ANKRD28: variants seen among roughly 807,000 people sequenced by gnomAD.
ANKRD28 encodes ankyrin repeat domain 28.
In ANKRD28, 44 loss-of-function variants were observed where a neutral mutation model predicts 126.5. That is an observed-to-expected ratio of 0.35 (90% confidence interval 0.27 to 0.45). The LOEUF is 0.45. Among genes scored for constraint, ANKRD28 ranks in the 20% least tolerant of loss-of-function variants. The pLI is 1.00. For synonymous variants in ANKRD28, 442 were observed against 468.5 expected (o/e 0.94, Z 0.73); for missense variants, 1,110 against 1,316.6 (o/e 0.84, Z 2.43).
At chr3:15,767,728 A>G (rs2058812574) in intron 2 of ANKRD28, among the ~76,000 whole-genome samples, 1 of 85,838 alleles carries the variant, frequency 1.2e-5, no homozygotes, top group East Asian at 8.4e-4. Flanking sequence ...AAAAAAAAAA[A>G]AAAAAAAAAA....
chr3:15,779,658 C>A (rs1201358618), intron 2 of ANKRD28, among the ~76,000 whole-genome samples: 4 of 152,306 alleles, frequency 2.6e-5, no homozygotes, highest in African/African-American at 9.6e-5. Context: ...ACTACTTAAT[C>A]TTTAAGATCC....
chr3:15,795,135 T>C, intron 2 of ANKRD28, 88 bp downstream of exon 2: 1 of 934,450 alleles, frequency 1.1e-6, no homozygotes, highest in Non-Finnish European at 1.7e-6. Context: ...CAGAGTTATA[T>C]TATGTCTTGT....
chr3:15,835,464 T>A (rs746052469), intron 1 of ANKRD28, among the ~76,000 whole-genome samples: 3 of 152,194 alleles, frequency 2.0e-5, no homozygotes, highest in Non-Finnish European at 4.4e-5. Context: ...AAAAGGTAGA[T>A]TCACGTTCCT....
chr3:15,670,225 C>A lies in ANKRD28; in HGVS notation c.*45G>T. The A allele has an allele frequency of 6.3e-7, 1 of 1,578,180 alleles. No individual in the cohort carries two copies. The highest frequency in any genetic ancestry group is 1.4e-5 in the African/African-American group (1 of 73,796). On this transcript the variant is annotated 3_prime_UTR_variant, in exon 28 of 28. Transcript: ENST00000683139. ...TCAAAGTGCCTTTTTCCTGAAAAAG[C>A]ACAGTTTGAAGCTTTACTGTGAGAA...
intron 21 of ANKRD28, 70 bp from the exon 22 acceptor site, chr3:15,679,633 A>G (rs2067311836): frequency 4.1e-6 from 5 of 1,207,068 alleles, no homozygotes; most frequent in Non-Finnish European, 5.9e-6. Context: ...GGTACATGTA[A>G]GTGTTTAAAG....
chr3:15,748,922 G>A (rs1370774422), intron 4 of ANKRD28, among the ~76,000 whole-genome samples: 2 of 151,846 alleles, frequency 1.3e-5, no homozygotes, highest in Non-Finnish European at 2.9e-5. Flanking sequence ...TTGATGGATT[G>A]GGTTAATTCA....
chr3:15,758,279 T>TA (rs1333388705), intron 3 of ANKRD28, among the ~76,000 whole-genome samples: 1 of 152,220 alleles, frequency 6.6e-6, no homozygotes, highest in African/African-American at 2.4e-5. Context: ...TTTGGCTACC[T>TA]AACAGTGCAG....
At chr3:15,752,387 A>G (rs1177006933) in intron 3 of ANKRD28, among the ~76,000 whole-genome samples, 2 of 152,220 alleles carry the variant, frequency 1.3e-5, no homozygotes, top group South Asian at 4.1e-4. Flanking sequence ...CTAAAGCTTA[A>G]GAAAGAAATT....
At chr3:15,737,341 A>C (rs2075086942) in intron 4 of ANKRD28, 108 bp from the exon 5 acceptor site, 1 of 949,582 alleles carries the variant, frequency 1.1e-6, no homozygotes, top group Non-Finnish European at 1.5e-6. Flanking sequence ...CATATGAAGA[A>C]AATAAAAAAG....
intron 14 of ANKRD28, among the ~76,000 whole-genome samples, chr3:15,697,986 T>C (rs1175550905): frequency 6.6e-6 from 1 of 152,190 alleles, no homozygotes; most frequent in African/African-American, 2.4e-5. Context: ...CAAGAATTTA[T>C]CCCTTTCTTC....
rs1331193327 is a variant in ANKRD28 at position 15,797,429 on chromosome 3, G to A, written c.-908C>T. On this transcript the variant is annotated 5_prime_UTR_variant, in exon 1 of 28. Transcript: ENST00000683139. Reference sequence around the variant, plus strand: ...CTCCATCAGGCAGTTGTCTGTGGCTGCTCCAGCAAAAGGGCACAGGCACCA... The same window carrying A: ...CTCCATCAGGCAGTTGTCTGTGGCTACTCCAGCAAAAGGGCACAGGCACCA... 2.0e-6 allele frequency: 2 copies of A among 985,298 alleles called. No homozygotes were observed. The highest frequency in any genetic ancestry group is 2.4e-6 in the Non-Finnish European group (2 of 829,974). 61.0% of individuals were successfully genotyped at this position (985,298 alleles called of 1,614,324 possible).
chr3:15,798,297 T>G (rs1380536879), upstream of ANKRD28: 1 of 304,912 alleles, frequency 3.3e-6, no homozygotes, highest in African/African-American at 2.3e-5. Flanking sequence ...TGCAATGGAC[T>G]CATAAAAAAG....
In ANKRD28 at chr3:15,681,441, T is replaced by C. The variant is rs115922043; in HGVS notation, c.2390-1878A>G. Among the ~76,000 whole-genome samples the C allele has an allele frequency of 1.4e-3, 212 of 152,320 alleles. 1 individual carries two copies. The highest frequency in any genetic ancestry group is 6.8e-3 in the Middle Eastern group (2 of 294). On this transcript the variant is annotated intron_variant, in intron 21 of 27. Coordinates refer to ENST00000683139, the MANE Select transcript of ANKRD28 (RefSeq NM_001349278.2). Reference sequence around the variant, plus strand: ...ATCCAAATTTCAAATTTTCTTACCCTAATTCCAGAGCCAGGGTTTTAATTT... The same window carrying C: ...ATCCAAATTTCAAATTTTCTTACCCCAATTCCAGAGCCAGGGTTTTAATTT...
At chr3:15,834,361 A>G (rs2061274686) in intron 1 of ANKRD28, among the ~76,000 whole-genome samples, 1 of 152,104 alleles carries the variant, frequency 6.6e-6, no homozygotes, top group Non-Finnish European at 1.5e-5. Context: ...AGCTGGTTGT[A>G]GGTATGTGGC....
chr3:15,845,212 C>A lies in ANKRD28; in HGVS notation c.27+14165G>T, dbSNP rs934303176. Among the ~76,000 whole-genome samples, 1 of 152,130 alleles carries A rather than the reference C, an allele frequency of 6.6e-6. No individual in the cohort carries two copies. Among genetic ancestry groups the A allele is most frequent in the African/African-American group, 2.4e-5 (1 of 41,420 alleles). On this transcript the variant is annotated intron_variant, in intron 1 of 27. Coordinates refer to the ANKRD28 transcript ENST00000399451. The surrounding 1 kb of genome is among the most constrained non-coding windows in gnomAD (Gnocchi z 4.9). Reference sequence around the variant, plus strand: ...AACCATATCACTATTTTAAAAATAACTTACAATGCATTTCTTCAAAATAGC... The same window carrying A: ...AACCATATCACTATTTTAAAAATAAATTACAATGCATTTCTTCAAAATAGC...
Position 15,797,417 on chromosome 3 carries a change from T to C in ANKRD28, c.-896A>G, listed in dbSNP as rs964953901. 9 of 985,262 alleles carry C rather than the reference T, an allele frequency of 9.1e-6. No individual in the cohort carries two copies. The highest frequency in any genetic ancestry group is 5.2e-5 in the African/African-American group (3 of 57,210). The allele number at this position is 985,262 out of a possible 1,614,324, so 61.0% of individuals were successfully genotyped here. On this transcript the variant is annotated 5_prime_UTR_variant, in exon 1 of 28. Transcript: ENST00000683139. ...CGTTCATTCTTTCTCCATCAGGCAG[T>C]TGTCTGTGGCTGCTCCAGCAAAAGG...
At chr3:15,759,926 C>CAGAA (rs2058364455) in intron 3 of ANKRD28, among the ~76,000 whole-genome samples, 1 of 152,160 alleles carries the variant, frequency 6.6e-6, no homozygotes, top group African/African-American at 2.4e-5. Flanking sequence ...AAAGCACCTA[C>CAGAA]AGAACTCTTA....
At chr3:15,709,472 G>A (rs1442442152) in intron 13 of ANKRD28, among the ~76,000 whole-genome samples, 196 bp downstream of exon 13, 1 of 152,182 alleles carries the variant, frequency 6.6e-6, no homozygotes, top group Non-Finnish European at 1.5e-5. Flanking sequence ...GGCTAGGGCT[G>A]TGGTAGGGAC....
Position 15,845,866 on chromosome 3 carries a change from CA to C in ANKRD28, c.27+13510del, listed in dbSNP as rs2125982957. 6.6e-6 allele frequency among the ~76,000 whole-genome samples: 1 copy of C among 152,204 alleles called. No homozygotes were observed. The highest frequency in any genetic ancestry group is 1.9e-4 in the East Asian group (1 of 5,174). On this transcript the variant is annotated intron_variant, in intron 1 of 27. Transcript: ENST00000399451. The surrounding 1 kb of genome is among the most constrained non-coding windows in gnomAD (Gnocchi z 4.9). The stretch of plus-strand genomic sequence containing the variant: ...GGGGTATGTGCCACACACTTTAAAC[CA>C]TTGCATCTCGTGAAAACTCGCTCAC...
Sources: gnomAD v4.1 joint callset for allele counts (sites outside exome capture counted in the v4.1 genomes callset) on GRCh38, gnomAD v4.1.1 for gene constraint, Gnocchi (gnomAD v3.1) non-coding constraint, MANE v1.5 for transcripts, NCBI Gene and HGNC (gene_info 2026-07-23, HGNC 2026-07-21) for gene names.